EYS: variants seen among roughly 807,000 people sequenced by gnomAD.
The protein encoded by EYS is EGF-like photoreceptor maintenance factor.
EYS carries 250 observed loss-of-function variants against 282.1 expected under a neutral mutation model. The ratio of observed to expected loss-of-function variants is 0.89; its 90% CI spans 0.80 to 0.98. The LOEUF (loss-of-function observed/expected upper bound fraction) is 0.98. Ranked by LOEUF, EYS falls within the 50% of genes least tolerant of loss-of-function variation. EYS has a pLI of 0.00. For missense variants in EYS, 4,016 were observed against 3,709.0 expected, an observed-to-expected ratio of 1.08 and a Z score of -2.15; for synonymous variants, 1,355 against 1,282.9, an observed-to-expected ratio of 1.06 and a Z score of -1.20.
At chr6:63,738,850 G>T (rs1009725866) in intron 41 of EYS, among the ~76,000 whole-genome samples, 1 of 151,940 alleles carries the variant, frequency 6.6e-6, no homozygotes, top group Admixed American at 6.6e-5. Context: ...TCCATATCCT[G>T]ATCCTCAACT....
intron 28 of EYS, among the ~76,000 whole-genome samples, chr6:64,389,563 T>C (rs1019751387): frequency 1.3e-5 from 2 of 152,206 alleles, no homozygotes; most frequent in Admixed American, 1.3e-4. Flanking sequence ...CACAGCCATA[T>C]GTTTCTTTAC....
In EYS at chr6:63,790,667, TAGAA is replaced by T. The variant is rs558444428; in HGVS notation, c.7412-1447_7412-1444del. Among the ~76,000 whole-genome samples, 7 of 152,318 alleles carry T rather than the reference TAGAA, an allele frequency of 4.6e-5. No individual in the cohort carries two copies. In the East Asian group the frequency reaches 1.3e-3, roughly 29 times the overall value. ...GAAAACATAGATTCAGGAAGGCAGT[TAGAA>T]AGGCAGAAAGGAGAAAACAATACTA... On this transcript the variant is annotated intron_variant, in intron 37 of 42. Transcript: ENST00000503581.
intron 33 of EYS, among the ~76,000 whole-genome samples, chr6:64,019,664 C>A (rs1382526790): frequency 1.3e-5 from 2 of 151,904 alleles, no homozygotes; most frequent in East Asian, 3.9e-4. Context: ...CCGCCTCGGC[C>A]TCTCAAAGTG....
chr6:65,409,599 G>A (rs1289128834), intron 5 of EYS, among the ~76,000 whole-genome samples: 4 of 152,094 alleles, frequency 2.6e-5, no homozygotes, highest in South Asian at 4.1e-4. Flanking sequence ...AATGATATAC[G>A]TGGACTTTGA....
intron 22 of EYS, among the ~76,000 whole-genome samples, chr6:64,703,386 C>CAA (rs1418033717): frequency 7.9e-5 from 2 of 25,344 alleles, no homozygotes. Context: ...CACACAGACA[C>CAA]ACACACACAC....
At chr6:65,484,279 C>T (rs1261459150) in intron 5 of EYS, among the ~76,000 whole-genome samples, 1 of 152,018 alleles carries the variant, frequency 6.6e-6, no homozygotes, top group Non-Finnish European at 1.5e-5. Context: ...TATTAAAATG[C>T]CATTTGTCCT....
At chr6:64,419,259 G>A (rs1373808470) in intron 28 of EYS, among the ~76,000 whole-genome samples, 3 of 152,108 alleles carry the variant, frequency 2.0e-5, no homozygotes, top group Admixed American at 6.5e-5. Context: ...AATAGCATGA[G>A]GGAAACCACC....
At chr6:64,325,592 T>C (rs1770385590) in intron 29 of EYS, among the ~76,000 whole-genome samples, 1 of 151,988 alleles carries the variant, frequency 6.6e-6, no homozygotes, top group Admixed American at 6.6e-5. Flanking sequence ...GAAAAAGAAT[T>C]CAGGAGGTAA....
chr6:63,857,039 T>C (rs1196895315), intron 36 of EYS, among the ~76,000 whole-genome samples: 1 of 152,232 alleles, frequency 6.6e-6, no homozygotes, highest in East Asian at 1.9e-4. Flanking sequence ...AAATAAATTA[T>C]TTCTGTCATT....
At chr6:64,119,766 C>T (rs530233625) in intron 31 of EYS, among the ~76,000 whole-genome samples, 1 of 152,244 alleles carries the variant, frequency 6.6e-6, no homozygotes, top group South Asian at 2.1e-4. Context: ...GGGCTTTTCA[C>T]GTAGAAGGCA....
chr6:65,249,701 CT>C (rs890881523), intron 12 of EYS, among the ~76,000 whole-genome samples: 1 of 151,958 alleles, frequency 6.6e-6, no homozygotes, highest in Non-Finnish European at 1.5e-5. Flanking sequence ...GTGTGAAACA[CT>C]TTTTTCTTTG....
chr6:65,455,840 T>C (rs1209104432), intron 5 of EYS, among the ~76,000 whole-genome samples: 1 of 152,070 alleles, frequency 6.6e-6, no homozygotes, highest in African/African-American at 2.4e-5. Flanking sequence ...GAATTAATAG[T>C]AATTTTCCTC....
At chr6:65,270,714 G>C (rs1474795818) in intron 12 of EYS, among the ~76,000 whole-genome samples, 2 of 151,768 alleles carry the variant, frequency 1.3e-5, no homozygotes, top group Non-Finnish European at 2.9e-5. Flanking sequence ...TAATTTTATT[G>C]ATTGCAACCC....
intron 36 of EYS, among the ~76,000 whole-genome samples, chr6:63,814,624 C>G (rs1166008723): frequency 6.6e-6 from 1 of 152,142 alleles, no homozygotes. Flanking sequence ...ATAATACATG[C>G]TAGAATCTGA....
At chr6:64,142,905 G>T (rs757297459) in intron 31 of EYS, among the ~76,000 whole-genome samples, 39 of 152,188 alleles carry the variant, frequency 2.6e-4, no homozygotes, top group Middle Eastern at 3.4e-3. Flanking sequence ...TTTCTGAGGA[G>T]GATTGGTATT....
At chr6:64,678,340 G>A (rs1002554665) in intron 22 of EYS, among the ~76,000 whole-genome samples, 1 of 152,224 alleles carries the variant, frequency 6.6e-6, no homozygotes, top group African/African-American at 2.4e-5. Context: ...CACTGTGGGA[G>A]GCCAAGGTGG....
chr6:64,158,208 G>A (rs1367135630), intron 31 of EYS, among the ~76,000 whole-genome samples: 4 of 152,128 alleles, frequency 2.6e-5, no homozygotes, highest in Non-Finnish European at 5.9e-5. Context: ...TTTTCCACTA[G>A]GATGTACACT....
At chr6:64,370,511 G>A (rs1772327777) in intron 29 of EYS, among the ~76,000 whole-genome samples, 1 of 152,046 alleles carries the variant, frequency 6.6e-6, no homozygotes, top group African/African-American at 2.4e-5. Context: ...CCAGGTTTTG[G>A]CATCAAGATG....
At chr6:63,989,445 T>C (rs1767513118) in intron 34 of EYS, among the ~76,000 whole-genome samples, 1 of 151,684 alleles carries the variant, frequency 6.6e-6, no homozygotes, top group Non-Finnish European at 1.5e-5. Flanking sequence ...GCAATATTTA[T>C]CAAAATTCCC....
Sources: allele counts gnomAD v4.1 joint callset (sites outside exome capture counted in the v4.1 genomes callset), GRCh38; gene constraint gnomAD v4.1.1; transcripts MANE v1.5; gene names NCBI Gene and HGNC (gene_info 2026-07-23, HGNC 2026-07-21).